HYDIN: variants seen among roughly 807,000 people sequenced by gnomAD.
HYDIN encodes HYDIN axonemal central pair apparatus protein.
HYDIN carries 132 observed loss-of-function variants against 403.9 expected under a neutral mutation model. The observed-to-expected ratio is 0.33, with a 90% CI of 0.28 to 0.38. HYDIN has a LOEUF of 0.38. Ranked by LOEUF, HYDIN falls within the 10% of genes least tolerant of loss-of-function variation. HYDIN has a pLI of 1.00. For missense variants in HYDIN, 2,827 were observed against 5,009.5 expected (o/e 0.56, Z 13.15); for synonymous variants, 1,202 against 1,891.7 (o/e 0.64, Z 9.46).
chr16:71,229,840 T>A lies in HYDIN; in HGVS notation c.-24+722A>T, dbSNP rs529108438. On this transcript the variant is annotated intron_variant, in intron 1 of 85. Coordinates refer to ENST00000393567, the MANE Select transcript of HYDIN (RefSeq NM_001270974.2). ...CAGTAAGTACATGATATGGTTTGGC[T>A]GTGTCCCCACCCAAATATCATCTTG... Among the ~76,000 whole-genome samples the A allele has an allele frequency of 4.6e-5, 7 of 152,338 alleles. No individual in the cohort carries two copies. In the East Asian group the frequency reaches 1.2e-3, roughly 25 times the overall value.
chr16:71,125,466 G>A (rs1049956837), intron 9 of HYDIN, among the ~76,000 whole-genome samples: 1 of 152,196 alleles, frequency 6.6e-6, no homozygotes, highest in African/African-American at 2.4e-5. Flanking sequence ...AAGAAGCTCA[G>A]AGTCTGATCC....
rs2035077693 is a variant in HYDIN at position 70,805,700 on chromosome 16, T to C, written c.*1880A>G. ...CTCAGATTATTGGTCAGAGCGATCT[T>C]TGCTCACTTAACCATTGTGAAAATC... On this transcript the variant is annotated 3_prime_UTR_variant, in exon 86 of 86. Transcript: ENST00000393567. Among the ~76,000 whole-genome samples, 2 of 152,234 alleles carry C rather than the reference T, an allele frequency of 1.3e-5. No individual in the cohort carries two copies. Among genetic ancestry groups the C allele is most frequent in the Non-Finnish European group, 1.5e-5 (1 of 68,050 alleles).
chr16:71,151,675 T>G (rs2144575915), intron 7 of HYDIN, among the ~76,000 whole-genome samples: 1 of 151,236 alleles, frequency 6.6e-6, no homozygotes, highest in South Asian at 2.1e-4. Context: ...CTGCAGATAA[T>G]CTGGGTCAAT....
At chr16:71,157,177 C>T (rs561080159) in intron 6 of HYDIN, among the ~76,000 whole-genome samples, 1 of 151,718 alleles carries the variant, frequency 6.6e-6, no homozygotes, top group African/African-American at 2.4e-5. Context: ...GGGTAACAGA[C>T]ATGCAAAGAA....
intron 52 of HYDIN, among the ~76,000 whole-genome samples, chr16:70,902,821 A>ATATATATATATTTTTTTTTTTTTTT: frequency 2.1e-5 from 1 of 47,306 alleles, no homozygotes; most frequent in East Asian, 5.5e-4. Flanking sequence ...ATATATATAT[A>ATATATATATATTTTTTTTTTTTTTT]TTTTTTTTTT....
At chr16:70,930,674 G>A (rs952350992) in intron 45 of HYDIN, among the ~76,000 whole-genome samples, 14 of 152,076 alleles carry the variant, frequency 9.2e-5, no homozygotes, top group Admixed American at 7.9e-4. Context: ...CTATGTGTGC[G>A]GGGGGCAAAC....
At chr16:70,960,012 T>G (rs1215824874) in intron 38 of HYDIN, among the ~76,000 whole-genome samples, 192 bp from the exon 39 acceptor site, 3 of 152,256 alleles carry the variant, frequency 2.0e-5, no homozygotes, top group Non-Finnish European at 4.4e-5. Flanking sequence ...TGTTTATAGC[T>G]ACTAAAATAA....
chr16:70,902,821 A>ATATATATATAT, intron 52 of HYDIN, among the ~76,000 whole-genome samples: 6 of 47,312 alleles, frequency 1.3e-4, no homozygotes, highest in Non-Finnish European at 2.2e-4. Flanking sequence ...ATATATATAT[A>ATATATATATAT]TTTTTTTTTT....
intron 15 of HYDIN, among the ~76,000 whole-genome samples, chr16:71,066,143 C>T (rs1241503318): frequency 6.6e-5 from 10 of 151,126 alleles, no homozygotes; most frequent in East Asian, 1.9e-4. Flanking sequence ...AATTTCCTAT[C>T]GATAGCTGTA....
intron 9 of HYDIN, among the ~76,000 whole-genome samples, chr16:71,128,135 T>C (rs2084547708): frequency 6.6e-6 from 1 of 152,138 alleles, no homozygotes; most frequent in Admixed American, 6.5e-5. Flanking sequence ...AGAAGCCTTC[T>C]CCAACTTCTT....
At chr16:70,888,774 G>A (rs1302657878) in intron 58 of HYDIN, among the ~76,000 whole-genome samples, 1 of 152,160 alleles carries the variant, frequency 6.6e-6, no homozygotes, top group Non-Finnish European at 1.5e-5. Flanking sequence ...TGACAGCTTG[G>A]AGAGGGTGGA....
chr16:70,985,141 G>C, intron 28 of HYDIN, 44 bp downstream of exon 28: 2 of 1,592,676 alleles, frequency 1.3e-6, no homozygotes, highest in Non-Finnish European at 1.7e-6. Flanking sequence ...CTTCGGAGTG[G>C]GGCTCGTAGG....
intron 1 of HYDIN, among the ~76,000 whole-genome samples, chr16:71,193,102 G>C (rs1370615970): frequency 6.6e-6 from 1 of 152,166 alleles, no homozygotes; most frequent in African/African-American, 2.4e-5. Context: ...ACAGTGCATT[G>C]TAATTATTTG....
intron 1 of HYDIN, among the ~76,000 whole-genome samples, chr16:71,194,767 G>A (rs192034519): frequency 6.6e-6 from 1 of 152,334 alleles, no homozygotes; most frequent in African/African-American, 2.4e-5. Flanking sequence ...CAAAGATACA[G>A]CCAGGTCTAC....
intron 14 of HYDIN, 28 bp from the exon 15 acceptor site, chr16:71,067,418 C>T (rs1597697795): frequency 6.5e-7 from 1 of 1,539,578 alleles, no homozygotes; most frequent in Non-Finnish European, 8.9e-7. Flanking sequence ...ACAAGTTGGT[C>T]TTCGAAAAAG....
At chr16:71,220,768 AT>A (rs2089161000) in intron 1 of HYDIN, among the ~76,000 whole-genome samples, 1 of 152,202 alleles carries the variant, frequency 6.6e-6, no homozygotes, top group South Asian at 2.1e-4. Flanking sequence ...AAGGTATTTA[AT>A]TTTTTACAAG....
intron 18 of HYDIN, among the ~76,000 whole-genome samples, chr16:71,047,464 C>T (rs2081490427): frequency 6.6e-6 from 1 of 152,220 alleles, no homozygotes; most frequent in South Asian, 2.1e-4. Context: ...GAGGGGCTCA[C>T]AGCTCTCTGT....
chr16:70,850,777 C>T (rs2038586340), intron 73 of HYDIN, 122 bp from the exon 74 acceptor site: 1 of 876,518 alleles, frequency 1.1e-6, no homozygotes, highest in Non-Finnish European at 1.7e-6. Flanking sequence ...ATTATGATGA[C>T]ATTTTAAGAT....
rs1372118308 is a variant in HYDIN, at chr16:70,849,822, G to T, written c.12777C>A (p.Ile4259=). The change falls in exon 75 of 86, where the codon ATC becomes ATA. Residue 4259 remains isoleucine, a synonymous_variant. Transcript: ENST00000393567. The part of the protein sequence containing the change: ...TLLQYLEFSP[I]DSTVDVGQSV... ...TCTGTCCTACATCCACAGTGCTGTCGATGGGTGAAAATTCCAAGTACTGCA... is the reference window on the plus strand; with the variant it reads ...TCTGTCCTACATCCACAGTGCTGTCTATGGGTGAAAATTCCAAGTACTGCA... 2 of 849,046 alleles carry T rather than the reference G, an allele frequency of 2.4e-6. No individual in the cohort carries two copies. The highest frequency in any genetic ancestry group is 1.5e-5 in the South Asian group (1 of 65,824). The allele number at this position is 849,046 out of a possible 1,614,324, so 52.6% of individuals were successfully genotyped here.
Sources: gnomAD v4.1 joint callset for allele counts (sites outside exome capture counted in the v4.1 genomes callset) on GRCh38, gnomAD v4.1.1 for gene constraint, MANE v1.5 for transcripts, NCBI Gene and HGNC (gene_info 2026-07-23, HGNC 2026-07-21) for gene names.